Variants in TCEAL7 observed in about 807,000 individuals in gnomAD.
TCEAL7 encodes the protein transcription elongation factor A protein-like 7.
For missense variants in TCEAL7, 63 were observed against 77.9 expected, an observed-to-expected ratio of 0.81 and a Z score of 0.72; for synonymous variants, 22 against 25.5, an observed-to-expected ratio of 0.86 and a Z score of 0.42.
chrX:103,330,645 G>C (rs1343501714), intron 1 of TCEAL7, among the ~76,000 whole-genome samples: 3 of 111,033 alleles, frequency 2.7e-5, no homozygotes, highest in Non-Finnish European at 5.7e-5. Context: ...GAAATCCCGG[G>C]ATGGAGACAA....
chrX:103,330,470 G>T (rs1447895062), intron 1 of TCEAL7, among the ~76,000 whole-genome samples, 166 bp downstream of exon 1: 1 of 111,304 alleles, frequency 9.0e-6, no homozygotes, highest in Non-Finnish European at 1.9e-5. Context: ...CAAGGGGGTA[G>T]GTCGAAATCT....
intron 1 of TCEAL7, among the ~76,000 whole-genome samples, 154 bp from the exon 2 acceptor site, chrX:103,330,769 G>C (rs1279149385): frequency 3.6e-5 from 4 of 110,590 alleles, no homozygotes; most frequent in African/African-American, 1.3e-4. Flanking sequence ...GCAAGGCCCA[G>C]GCCTGAGGGT....
chrX:103,332,293 A>G lies in TCEAL7; in HGVS notation c.*587A>G, dbSNP rs1239389418. The G allele has an allele frequency of 8.1e-6, 1 of 123,729 alleles. No individual in the cohort carries two copies. 10.2% of individuals were successfully genotyped at this position (123,729 alleles called of 1,213,427 possible). A position where few individuals can be genotyped will look rare whatever the true frequency, so the allele number is the denominator to read the frequency against. Reference sequence around the variant, plus strand: ...ACCTCCAATTACCTCTGGATCTCTTAGCCAGAGTAATAAACTGGTAATTAT... The same window carrying G: ...ACCTCCAATTACCTCTGGATCTCTTGGCCAGAGTAATAAACTGGTAATTAT... On this transcript the variant is annotated 3_prime_UTR_variant, in exon 3 of 3. Transcript: ENST00000332431.
At position 103,331,982 on chromosome X, in the gene TCEAL7, T is replaced by G. The variant is rs1926526961; in HGVS notation, c.*276T>G. ...GTGTATACATATATGTGTGTATATATGTACACTTTATTTGTACATTTCTAT... is the reference window on the plus strand; with the variant it reads ...GTGTATACATATATGTGTGTATATAGGTACACTTTATTTGTACATTTCTAT... On this transcript the variant is annotated 3_prime_UTR_variant, in exon 3 of 3. Transcript: ENST00000332431. The G allele has an allele frequency of 4.1e-6, 1 of 241,151 alleles. No homozygotes were observed. Among genetic ancestry groups the G allele is most frequent in the East Asian group, 7.4e-5 (1 of 13,541 alleles). 19.9% of individuals were successfully genotyped at this position (241,151 alleles called of 1,213,427 possible).
At chrX:103,331,126 C>A in intron 2 of TCEAL7, 86 bp downstream of exon 2, 1 of 281,329 alleles carries the variant, frequency 3.6e-6, no homozygotes, top group Non-Finnish European at 6.2e-6. Context: ...TGCGGCTTCG[C>A]AGTCCATCTC....
chrX:103,331,701 A>G lies in TCEAL7; in HGVS notation c.298A>G (p.Ile100Val). The G allele has an allele frequency of 1.7e-6, 2 of 1,151,322 alleles. No individual in the cohort carries two copies. The highest frequency in any genetic ancestry group is 3.0e-5 in the East Asian group (1 of 33,070). 94.9% of individuals were successfully genotyped at this position (1,151,322 alleles called of 1,213,427 possible). A position where few individuals can be genotyped will look rare whatever the true frequency, so the allele number is the denominator to read the frequency against. ...GCATTCTCGGGACCGTCCTTATCCC[A>G]TTTAATTAATTTCTCTGACAATTCA... ...HRHSRDRPYP[I>V] Residue 100 changes from isoleucine to valine, a missense_variant, in exon 3 of 3, where the codon ATT (isoleucine) becomes GTT (valine). Ile to Val is a conservative substitution (Grantham distance 29). Coordinates refer to ENST00000332431, the MANE Select transcript of TCEAL7 (RefSeq NM_152278.5).
chrX:103,331,304 C>A, intron 2 of TCEAL7, 73 bp from the exon 3 acceptor site: 1 of 917,779 alleles, frequency 1.1e-6, no homozygotes, highest in Admixed American at 3.6e-5. Flanking sequence ...GGGAAAGTAT[C>A]TTGCCTCAGA....
In TCEAL7 at chrX:103,331,444, G is replaced by T. The variant is rs1569315661; in HGVS notation, c.41G>T (p.Cys14Phe). The part of the protein sequence containing the change: ...PCKENEGKPK[C>F]SVPKREEKRP... ...AAAGAAAACGAAGGAAAGCCAAAGT[G>T]CAGCGTGCCAAAGAGGGAGGAAAAA... The change falls in exon 3 of 3, where the codon TGC becomes TTC. Residue 14 changes from cysteine (C) to phenylalanine (F), a missense_variant. Cys to Phe is a radical substitution (Grantham distance 205). Coordinates refer to ENST00000332431, the MANE Select transcript of TCEAL7 (RefSeq NM_152278.5). 1 of 1,198,197 alleles carries T rather than the reference G, an allele frequency of 8.3e-7. No individual in the cohort carries two copies. Among genetic ancestry groups the T allele is most frequent in the Non-Finnish European group, 1.1e-6 (1 of 888,656 alleles).
intron 1 of TCEAL7, among the ~76,000 whole-genome samples, 169 bp from the exon 2 acceptor site, chrX:103,330,754 G>T (rs1347413010): frequency 3.6e-5 from 4 of 110,507 alleles, no homozygotes; most frequent in African/African-American, 1.3e-4. Flanking sequence ...GGAGACGCGG[G>T]CCTTGCAAGG....
chrX:103,331,706 A>G lies in TCEAL7; in HGVS notation c.303A>G (p.Ter101=), dbSNP rs1421106268. 1.7e-6 allele frequency: 2 copies of G among 1,152,979 alleles called. No homozygotes were observed. The highest frequency in any genetic ancestry group is 2.3e-6 in the Non-Finnish European group (2 of 863,464). The part of the protein sequence containing the change: ...RHSRDRPYPI[*] ...CTCGGGACCGTCCTTATCCCATTTA[A>G]TTAATTTCTCTGACAATTCAATTAT... The change falls in exon 3 of 3, where the codon TAA becomes TAG. Residue 101 remains the stop codon, a stop_retained_variant. Coordinates refer to ENST00000332431, the MANE Select transcript of TCEAL7 (RefSeq NM_152278.5).
chrX:103,330,627 G>A (rs1926494609), intron 1 of TCEAL7, among the ~76,000 whole-genome samples: 1 of 111,216 alleles, frequency 9.0e-6, no homozygotes, highest in Admixed American at 9.5e-5. Flanking sequence ...GGTGTGTGGA[G>A]AAAGGCTGAA....
Position 103,331,584 on chromosome X carries a change from G to A in TCEAL7, c.181G>A (p.Glu61Lys), listed in dbSNP as rs1926517183. ...DIDYRHFKDE[E>K]MTREGDEMER... The stretch of plus-strand genomic sequence containing the variant: ...AGACTATAGGCATTTTAAAGATGAA[G>A]AAATGACAAGGGAGGGAGATGAGAT... The change falls in exon 3 of 3, where the codon GAA (glutamate) becomes AAA (lysine). Residue 61 changes from glutamate (E) to lysine (K), a missense_variant. Transcript: ENST00000332431. 8.3e-7 allele frequency: 1 copy of A among 1,206,930 alleles called. No homozygotes were observed. The highest frequency in any genetic ancestry group is 1.1e-6 in the Non-Finnish European group (1 of 893,167).
intron 2 of TCEAL7, 111 bp downstream of exon 2, chrX:103,331,151 C>G (rs1926506906): frequency 6.2e-6 from 2 of 320,867 alleles, no homozygotes; most frequent in Non-Finnish European, 1.1e-5. Context: ...TCTGCTCCGC[C>G]TCTCCTGCCT....
At chrX:103,330,811 A>C (rs1415458311) in intron 1 of TCEAL7, 112 bp from the exon 2 acceptor site, 2 of 111,378 alleles carry the variant, frequency 1.8e-5, no homozygotes, top group African/African-American at 6.6e-5. Context: ...GAAATCCTGA[A>C]GGAAAGGATA....
rs1602979291 is a variant in TCEAL7 at position 103,331,018 on chromosome X, G to A, written c.-50G>A. On this transcript the variant is annotated 5_prime_UTR_variant, in exon 2 of 3. Coordinates refer to ENST00000332431, the MANE Select transcript of TCEAL7 (RefSeq NM_152278.5). ...TCACAGACATCTGGGGGAAGAAAAG[G>A]AGCAGGAAACTACCCCGCACAGGTC... is the stretch of plus-strand genomic sequence containing the variant. 3 of 127,654 alleles carry A rather than the reference G, an allele frequency of 2.4e-5. No homozygotes were observed. The highest frequency in any genetic ancestry group is 6.2e-4 in the South Asian group (2 of 3,228). 10.5% of individuals were successfully genotyped at this position (127,654 alleles called of 1,213,427 possible).
intron 1 of TCEAL7, 124 bp from the exon 2 acceptor site, chrX:103,330,799 C>G (rs1290028357): frequency 1.8e-5 from 2 of 110,552 alleles, no homozygotes; most frequent in Non-Finnish European, 3.8e-5. Context: ...GGAGTGGAAA[C>G]GGAAATCCTG....
chrX:103,331,658 T>C lies in TCEAL7; in HGVS notation c.255T>C (p.Ala85=), dbSNP rs762734385. 2 of 1,209,480 alleles carry C rather than the reference T, an allele frequency of 1.7e-6. No homozygotes were observed. The highest frequency in any genetic ancestry group is 2.2e-6 in the Non-Finnish European group (2 of 894,044). ...GGGGTCTGAGAAAGAAATTTAGGGC[T>C]CTGCATTCTAACCATAGGCATTCTC... The part of the protein sequence containing the change: ...EIRGLRKKFR[A]LHSNHRHSRD... Residue 85 remains alanine, a synonymous_variant, in exon 3 of 3, where the codon GCT becomes GCC. Transcript: ENST00000332431.
intron 1 of TCEAL7, among the ~76,000 whole-genome samples, chrX:103,330,602 C>A (rs924156432): frequency 9.0e-6 from 1 of 111,268 alleles, no homozygotes; most frequent in African/African-American, 3.3e-5. Context: ...AAATTTTAGG[C>A]CTGGGGTATG....
rs944798609 is a variant in TCEAL7 at position 103,331,750 on chromosome X, C to T, written c.*44C>T. 2.0e-6 allele frequency: 2 copies of T among 993,534 alleles called. No individual in the cohort carries two copies. The highest frequency in any genetic ancestry group is 2.7e-6 in the Non-Finnish European group (2 of 729,330). The allele number at this position is 993,534 out of a possible 1,213,427, so 81.9% of individuals were successfully genotyped here. A position where few individuals can be genotyped will look rare whatever the true frequency, so the allele number is the denominator to read the frequency against. On this transcript the variant is annotated 3_prime_UTR_variant, in exon 3 of 3. Coordinates refer to ENST00000332431, the MANE Select transcript of TCEAL7 (RefSeq NM_152278.5). ...CAATTATTTTCTGTTATTAATGTTG[C>T]CACTGCTTTCTGTTTGTCTGCACTT...
Sources: allele counts gnomAD v4.1 joint callset (sites outside exome capture counted in the v4.1 genomes callset), GRCh38; gene constraint gnomAD v4.1.1; transcripts MANE v1.5; gene names NCBI Gene and HGNC (gene_info 2026-07-23, HGNC 2026-07-21).